SYN3: variants seen among roughly 807,000 people sequenced by gnomAD.
SYN3 encodes the protein synapsin-3.
SYN3 carries 35 observed loss-of-function variants against 65.8 expected under a neutral mutation model. That is an observed-to-expected ratio of 0.53 (90% CI 0.41 to 0.70). The LOEUF (loss-of-function observed/expected upper bound fraction) is 0.70, where lower values mean the gene tolerates loss of function less well. SYN3 is among the 30% of genes least tolerant of loss of function. The probability of loss-of-function intolerance (pLI) is 0.00; values close to 1 mark genes in which losing one functional copy is unlikely to be tolerated. For synonymous variants in SYN3, 270 were observed against 292.9 expected (o/e 0.92, Z 0.80); for missense variants, 680 against 749.0 (o/e 0.91, Z 1.08).
chr22:32,751,547 C>A (rs907987991), intron 6 of SYN3, among the ~76,000 whole-genome samples: 2 of 152,164 alleles, frequency 1.3e-5, no homozygotes, highest in African/African-American at 4.8e-5. Context: ...CGCGTACAGG[C>A]CTCTGTGGGT....
At chr22:32,841,927 A>C (rs1339755115) in intron 6 of SYN3, among the ~76,000 whole-genome samples, 1 of 152,166 alleles carries the variant, frequency 6.6e-6, no homozygotes, top group Non-Finnish European at 1.5e-5. Flanking sequence ...AGTTGTGCAG[A>C]TGGTGCTGAG....
chr22:33,050,469 G>T (rs1205967686), intron 1 of SYN3, among the ~76,000 whole-genome samples: 1 of 129,230 alleles, frequency 7.7e-6, no homozygotes, highest in Non-Finnish European at 1.6e-5. Flanking sequence ...GTGACAGAGC[G>T]AGACTGTTTC....
intron 13 of SYN3, among the ~76,000 whole-genome samples, chr22:32,516,217 T>C (rs2057771389): frequency 1.0e-5 from 1 of 100,038 alleles, no homozygotes; most frequent in African/African-American, 2.6e-5. Context: ...TTTATGCAAA[T>C]ATTTTTTATT....
intron 4 of SYN3, among the ~76,000 whole-genome samples, chr22:32,872,926 G>A (rs1346374141): frequency 6.8e-6 from 1 of 146,864 alleles, no homozygotes; most frequent in Non-Finnish European, 1.5e-5. Flanking sequence ...GGTGCAACGT[G>A]CCCTAAGCAC....
chr22:32,894,717 C>G (rs1177590783), intron 4 of SYN3, among the ~76,000 whole-genome samples: 3 of 152,166 alleles, frequency 2.0e-5, no homozygotes, highest in African/African-American at 7.2e-5. Context: ...CTGGGTATGA[C>G]TGTAAGGGTG....
chr22:32,755,198 A>G (rs780633453), intron 6 of SYN3, among the ~76,000 whole-genome samples: 2 of 152,154 alleles, frequency 1.3e-5, no homozygotes, highest in South Asian at 2.1e-4. Flanking sequence ...CATCACCCCA[A>G]TGAGGTAGGA....
intron 6 of SYN3, among the ~76,000 whole-genome samples, chr22:32,680,002 A>C (rs2147108213): frequency 6.6e-6 from 1 of 152,062 alleles, no homozygotes; most frequent in Non-Finnish European, 1.5e-5. Context: ...TCCCACTAGA[A>C]TATAAACTCC....
intron 6 of SYN3, among the ~76,000 whole-genome samples, chr22:32,771,177 T>C (rs1172561348): frequency 1.3e-5 from 2 of 152,136 alleles, no homozygotes; most frequent in African/African-American, 4.8e-5. Flanking sequence ...TCTGTTCCTG[T>C]GTTAGTTTGC....
intron 7 of SYN3, among the ~76,000 whole-genome samples, chr22:32,554,805 T>C (rs2058469060): frequency 6.6e-6 from 1 of 152,130 alleles, no homozygotes; most frequent in South Asian, 2.1e-4. Flanking sequence ...TAAAATTGCC[T>C]TGCTGACAAA....
rs114101636 is a variant in SYN3 at position 32,979,294 on chromosome 22, G to A, written c.369+1351C>T. Among the ~76,000 whole-genome samples, 1,106 of 151,982 alleles carry A rather than the reference G, an allele frequency of 7.3e-3. 15 individuals carry two copies. Among genetic ancestry groups the A allele is most frequent in the African/African-American group, 0.025 (1,052 of 41,468 alleles). On this transcript the variant is annotated intron_variant, in intron 3 of 13. Coordinates refer to ENST00000358763, the MANE Select transcript of SYN3 (RefSeq NM_003490.4). ...ACTGGGCCTCTTCTTCTATATACTC[G>A]TTCTCCACATATTAGCTAGCTAGCA...
chr22:32,853,037 G>T (rs562066561), intron 6 of SYN3, among the ~76,000 whole-genome samples: 1 of 152,286 alleles, frequency 6.6e-6, no homozygotes, highest in East Asian at 1.9e-4. Context: ...CATGTGCTTT[G>T]CATGTCCTGA....
At chr22:32,529,870 G>A (rs1160119883) in intron 10 of SYN3, among the ~76,000 whole-genome samples, 1 of 152,144 alleles carries the variant, frequency 6.6e-6, no homozygotes, top group African/African-American at 2.4e-5. Flanking sequence ...CCCACGCTCT[G>A]GACATATTAG....
intron 3 of SYN3, among the ~76,000 whole-genome samples, chr22:32,959,098 T>C (rs951021834): frequency 3.9e-5 from 6 of 152,050 alleles, no homozygotes; most frequent in Non-Finnish European, 8.8e-5. Context: ...TCATCTAGAA[T>C]TGTACTCCCA....
At chr22:32,657,102 C>T (rs964998736) in intron 6 of SYN3, among the ~76,000 whole-genome samples, 135 of 152,214 alleles carry the variant, frequency 8.9e-4, no homozygotes, top group African/African-American at 3.0e-3. Context: ...CATTTGCCCT[C>T]CTGAGCCACC....
intron 2 of SYN3, 112 bp from the exon 3 acceptor site, chr22:32,980,814 CCTA>C (rs2052349728): frequency 1.2e-6 from 1 of 849,956 alleles, no homozygotes; most frequent in Non-Finnish European, 2.0e-6. Flanking sequence ...CCTCAGCCAT[CCTA>C]CTGTCTCCTC....
chr22:32,994,003 G>A (rs1045505759), intron 2 of SYN3, among the ~76,000 whole-genome samples: 1 of 152,044 alleles, frequency 6.6e-6, no homozygotes, highest in African/African-American at 2.4e-5. Context: ...ACTAGGGCGG[G>A]GGTAACAACT....
chr22:32,674,915 A>G (rs370701761), intron 6 of SYN3, among the ~76,000 whole-genome samples: 3 of 152,196 alleles, frequency 2.0e-5, no homozygotes, highest in South Asian at 2.1e-4. Context: ...CAGAAACCCT[A>G]TGGAGGAGAT....
chr22:32,821,475 A>G (rs558110492), intron 6 of SYN3, among the ~76,000 whole-genome samples: 1 of 152,340 alleles, frequency 6.6e-6, no homozygotes, highest in South Asian at 2.1e-4. Context: ...ATAGAAATGG[A>G]TTTATTAATA....
intron 10 of SYN3, among the ~76,000 whole-genome samples, chr22:32,532,354 G>A (rs369726017): frequency 3.9e-5 from 6 of 152,406 alleles, no homozygotes; most frequent in African/African-American, 9.6e-5. Context: ...CCCAGAAGGC[G>A]AGGGACCGGC....
Sources: allele counts gnomAD v4.1 joint callset (sites outside exome capture counted in the v4.1 genomes callset), GRCh38; gene constraint gnomAD v4.1.1; transcripts MANE v1.5; gene names NCBI Gene and HGNC (gene_info 2026-07-23, HGNC 2026-07-21).